NECAB1: variants seen among roughly 807,000 people sequenced by gnomAD.
The protein encoded by NECAB1 is N-terminal EF-hand calcium-binding protein 1.
NECAB1 carries 29 observed loss-of-function variants against 57.5 expected under a neutral mutation model. That is an observed-to-expected ratio of 0.50 (90% CI 0.38 to 0.69). The LOEUF is 0.69. Ranked by LOEUF, NECAB1 falls within the 30% of genes least tolerant of loss-of-function variation. The probability of loss-of-function intolerance (pLI) is 0.00; values close to 1 mark genes in which losing one functional copy is unlikely to be tolerated. For synonymous variants in NECAB1, 142 were observed against 147.7 expected (o/e 0.96, Z 0.28); for missense variants, 372 against 413.8 (o/e 0.90, Z 0.88).
At chr8:90,908,762 T>C (rs1271512079) in intron 5 of NECAB1, among the ~76,000 whole-genome samples, 1 of 152,084 alleles carries the variant, frequency 6.6e-6, no homozygotes, top group Admixed American at 6.5e-5. Context: ...ACCCCAGAAG[T>C]CTTTCCACAT....
At chr8:90,948,188 A>C (rs1018682331) in intron 10 of NECAB1, among the ~76,000 whole-genome samples, 22 of 152,228 alleles carry the variant, frequency 1.4e-4, no homozygotes, top group African/African-American at 5.3e-4. Flanking sequence ...AGGAAAACAT[A>C]TATATGCACA....
chr8:90,852,955 G>A (rs1812713789), intron 3 of NECAB1, among the ~76,000 whole-genome samples: 1 of 152,238 alleles, frequency 6.6e-6, no homozygotes, highest in Admixed American at 6.5e-5. Context: ...ATGGAGGGCA[G>A]CCACCTCATG....
chr8:90,952,660 C>A (rs1810944482), intron 12 of NECAB1, among the ~76,000 whole-genome samples: 1 of 151,990 alleles, frequency 6.6e-6, no homozygotes, highest in Admixed American at 6.6e-5. Context: ...GCCTGTAATC[C>A]TAGCTGCTCA....
chr8:90,842,349 G>A (rs534821898), intron 3 of NECAB1, among the ~76,000 whole-genome samples: 1 of 152,256 alleles, frequency 6.6e-6, no homozygotes, highest in African/African-American at 2.4e-5. Flanking sequence ...TATGCCTAAC[G>A]AAGAGATGTG....
intron 2 of NECAB1, among the ~76,000 whole-genome samples, chr8:90,822,578 T>C (rs1008041057): frequency 7.2e-5 from 11 of 151,826 alleles, no homozygotes; most frequent in African/African-American, 2.7e-4. Flanking sequence ...CCCCAGAGAA[T>C]CATCAGAGCC....
intron 5 of NECAB1, among the ~76,000 whole-genome samples, chr8:90,897,389 G>A (rs1404209275): frequency 6.6e-6 from 1 of 152,120 alleles, no homozygotes; most frequent in African/African-American, 2.4e-5. Flanking sequence ...TCATTACAGG[G>A]TACTGCTCTA....
chr8:90,833,051 TA>T (rs1288073451), intron 3 of NECAB1, among the ~76,000 whole-genome samples: 1 of 152,286 alleles, frequency 6.6e-6, no homozygotes, highest in East Asian at 1.9e-4. Context: ...CTTCTCTTTT[TA>T]TATCTATTAT....
intron 2 of NECAB1, among the ~76,000 whole-genome samples, chr8:90,822,897 C>A (rs1166107845): frequency 6.6e-6 from 1 of 150,770 alleles, no homozygotes; most frequent in Admixed American, 6.6e-5. Context: ...ATGAAAAGGT[C>A]TTTCTTTTTC....
chr8:90,891,983 C>T (rs748304440), intron 5 of NECAB1, among the ~76,000 whole-genome samples: 22 of 152,120 alleles, frequency 1.4e-4, no homozygotes, highest in Non-Finnish European at 2.1e-4. Context: ...CATGAGCCAC[C>T]ACACCCAGCC....
chr8:90,924,676 C>T (rs888038848), intron 6 of NECAB1, among the ~76,000 whole-genome samples: 6 of 152,052 alleles, frequency 3.9e-5, no homozygotes, highest in Admixed American at 6.6e-5. Flanking sequence ...TGTTTGTTGG[C>T]GATCCAGCTA....
chr8:90,854,607 G>A (rs1812757634), intron 3 of NECAB1, among the ~76,000 whole-genome samples: 1 of 152,160 alleles, frequency 6.6e-6, no homozygotes, highest in Non-Finnish European at 1.5e-5. Flanking sequence ...ATTAATGTAG[G>A]TACAGCAAGA....
At chr8:90,839,492 A>G (rs1445695831) in intron 3 of NECAB1, among the ~76,000 whole-genome samples, 1 of 152,224 alleles carries the variant, frequency 6.6e-6, no homozygotes, top group Non-Finnish European at 1.5e-5. Context: ...GACAAGCAAT[A>G]ACTTGATTAA....
At chr8:90,849,483 C>T (rs1292346323) in intron 3 of NECAB1, among the ~76,000 whole-genome samples, 12 of 113,416 alleles carry the variant, frequency 1.1e-4, no homozygotes, top group African/African-American at 2.4e-4. Flanking sequence ...AAGAAAAATG[C>T]TTTTTTTTTT....
Position 90,872,144 on chromosome 8 carries a change from G to A in NECAB1, c.250G>A (p.Glu84Lys), listed in dbSNP as rs1447341836. 5.8e-6 allele frequency: 9 copies of A among 1,547,584 alleles called. No individual in the cohort carries two copies. Among genetic ancestry groups the A allele is most frequent in the Non-Finnish European group, 7.9e-6 (9 of 1,144,508 alleles). The change falls in exon 4 of 13, where the codon GAG (glutamate) becomes AAG (lysine). Residue 84 changes from glutamate (E) to lysine (K), a missense_variant. Coordinates refer to ENST00000417640, the MANE Select transcript of NECAB1 (RefSeq NM_022351.5). ...TCTTTTCAGTAATCTTGACACAGAA[G>A]AGCTATGTGGTAAGTGTTTCTTTAA... Reference protein sequence around the residue: ...THNTNNLDTEELCEYFSQHLG... With the variant: ...THNTNNLDTEKLCEYFSQHLG...
Position 90,957,645 on chromosome 8 carries a change from C to A in NECAB1, c.*2133C>A. The A allele has an allele frequency of 1.4e-5, 2 of 138,888 alleles. No individual in the cohort carries two copies. Among genetic ancestry groups the A allele is most frequent in the African/African-American group, 2.7e-5 (1 of 37,506 alleles). The allele number at this position is 138,888 out of a possible 1,614,324, so 8.6% of individuals were successfully genotyped here. ...TTCACATACACATATATACTGGAAC[C>A]TATAGTAGAAAAGGAAACTAGTAGG... is the stretch of plus-strand genomic sequence containing the variant. On this transcript the variant is annotated 3_prime_UTR_variant, in exon 13 of 13. Coordinates refer to ENST00000417640, the MANE Select transcript of NECAB1 (RefSeq NM_022351.5).
In NECAB1 at chr8:90,951,212, T is replaced by A; in HGVS notation, c.1030+8T>A. The A allele has an allele frequency of 2.0e-6, 3 of 1,532,710 alleles. No homozygotes were observed. The highest frequency in any genetic ancestry group is 2.3e-5 in the South Asian group (2 of 85,868). The allele number at this position is 1,532,710 out of a possible 1,614,324, so 94.9% of individuals were successfully genotyped here. A position where few individuals can be genotyped will look rare whatever the true frequency, so the allele number is the denominator to read the frequency against. On this transcript the variant is annotated splice_region_variant and intron_variant, in intron 12 of 12. Transcript: ENST00000417640. ...CTACAATGCTAGTTCCTGGTAATTA[T>A]CCTGGGTTTACAATGCTTCTGTGTC...
intron 2 of NECAB1, among the ~76,000 whole-genome samples, chr8:90,812,039 C>A (rs1811968888): frequency 6.6e-6 from 1 of 151,996 alleles, no homozygotes; most frequent in Non-Finnish European, 1.5e-5. Flanking sequence ...GTGTTTCTAC[C>A]AAAAGAAGAG....
intron 2 of NECAB1, among the ~76,000 whole-genome samples, chr8:90,810,251 A>G (rs1359112771): frequency 6.6e-6 from 1 of 152,196 alleles, no homozygotes; most frequent in African/African-American, 2.4e-5. Flanking sequence ...AGACAAAAGT[A>G]TTTGAAATTA....
intron 3 of NECAB1, among the ~76,000 whole-genome samples, chr8:90,852,191 C>T (rs1329864303): frequency 2.6e-5 from 4 of 152,130 alleles, no homozygotes; most frequent in African/African-American, 9.7e-5. Flanking sequence ...AAGAAGGGTG[C>T]AAGCTAACAT....
Sources: gnomAD v4.1 joint callset for allele counts (sites outside exome capture counted in the v4.1 genomes callset) on GRCh38, gnomAD v4.1.1 for gene constraint, MANE v1.5 for transcripts, NCBI Gene and HGNC (gene_info 2026-07-23, HGNC 2026-07-21) for gene names.